Variants in M1AP observed in about 807,000 individuals in gnomAD.
M1AP encodes meiosis 1 arrest protein.
M1AP carries 39 observed loss-of-function variants against 51.2 expected under a neutral mutation model. The ratio of observed to expected loss-of-function variants is 0.76; its 90% confidence interval spans 0.59 to 1.00. M1AP has a LOEUF of 1.00. Ranked by LOEUF, M1AP falls within the 50% of genes least tolerant of loss-of-function variation. The pLI is 0.00. For synonymous variants in M1AP, 251 were observed against 249.2 expected (o/e 1.01, Z -0.07); for missense variants, 545 against 641.2 (o/e 0.85, Z 1.62).
chr2:74,641,444 T>C (rs1173457805), intron 1 of M1AP, among the ~76,000 whole-genome samples: 1 of 152,228 alleles, frequency 6.6e-6, no homozygotes, highest in East Asian at 1.9e-4. Context: ...TGAATAGCTT[T>C]ATGCTAATAA....
intron 4 of M1AP, among the ~76,000 whole-genome samples, chr2:74,594,116 C>A (rs996107252): frequency 1.3e-5 from 2 of 152,182 alleles, no homozygotes; most frequent in Non-Finnish European, 2.9e-5. Flanking sequence ...ACTGCAGGCA[C>A]AACAGGTTGC....
chr2:74,596,104 C>A (rs184339424), intron 4 of M1AP, among the ~76,000 whole-genome samples: 48 of 152,228 alleles, frequency 3.2e-4, no homozygotes, highest in Non-Finnish European at 5.1e-4. Flanking sequence ...AAATGGTAGA[C>A]CTGAGTCCAA....
At chr2:74,574,001 G>T (rs183082241) in intron 7 of M1AP, among the ~76,000 whole-genome samples, 1 of 152,170 alleles carries the variant, frequency 6.6e-6, no homozygotes, top group Non-Finnish European at 1.5e-5. Flanking sequence ...CAGTTACAAC[G>T]GCTCCGTTGT....
chr2:74,615,535 C>A (rs1457505817), intron 2 of M1AP: 2 of 191,206 alleles, frequency 1.0e-5, no homozygotes, highest in Admixed American at 1.1e-4. Context: ...GTCTAGGCAC[C>A]AAAAGCTTCT....
chr2:74,558,608 TCA>T lies in M1AP; in HGVS notation c.*106_*107del. ...CTGTTGTTTCCCAGTCAGCCCTCAC[TCA>T]CAGAGGCTCAGGCGGATAGAGAGCA... On this transcript the variant is annotated 3_prime_UTR_variant, in exon 11 of 11. Coordinates refer to ENST00000421985, the MANE Select transcript of M1AP (RefSeq NM_001321739.2). The T allele has an allele frequency of 2.2e-6, 3 of 1,342,962 alleles. No individual in the cohort carries two copies. Among genetic ancestry groups the T allele is most frequent in the Non-Finnish European group, 3.1e-6 (3 of 969,752 alleles). The allele number at this position is 1,342,962 out of a possible 1,614,324, so 83.2% of individuals were successfully genotyped here.
chr2:74,614,344 C>G (rs1681541142), intron 3 of M1AP, among the ~76,000 whole-genome samples: 1 of 152,150 alleles, frequency 6.6e-6, no homozygotes, highest in Non-Finnish European at 1.5e-5. Context: ...CTTCCAAGCT[C>G]CTTACATGAA....
chr2:74,576,794 T>A (rs1679101594), intron 5 of M1AP, 176 bp from the exon 6 acceptor site: 1 of 1,274,492 alleles, frequency 7.8e-7, no homozygotes, highest in Non-Finnish European at 1.0e-6. Context: ...CCTGACTGGT[T>A]TGGAAAGGGA....
At chr2:74,632,040 T>C (rs1424331057) in intron 2 of M1AP, among the ~76,000 whole-genome samples, 5 of 152,244 alleles carry the variant, frequency 3.3e-5, no homozygotes, top group African/African-American at 1.2e-4. Context: ...GGTAATAGTA[T>C]TGTTTCTGCA....
intron 4 of M1AP, among the ~76,000 whole-genome samples, chr2:74,589,796 T>C (rs1198562923): frequency 1.3e-5 from 2 of 152,152 alleles, no homozygotes; most frequent in African/African-American, 4.8e-5. Flanking sequence ...GCTAATATAG[T>C]CTAAGGCAGG....
intron 8 of M1AP, among the ~76,000 whole-genome samples, chr2:74,561,195 G>C (rs1677955784): frequency 7.0e-6 from 1 of 143,108 alleles, no homozygotes. Context: ...AGGAGGAGGA[G>C]GAGAAGGAGG....
At chr2:74,572,751 T>C (rs562469608) in intron 7 of M1AP, among the ~76,000 whole-genome samples, 1 of 152,188 alleles carries the variant, frequency 6.6e-6, no homozygotes, top group Non-Finnish European at 1.5e-5. Flanking sequence ...TTAAATGAGG[T>C]AAAGTATGCA....
chr2:74,561,091 AAGGAGAAGGAGGAGG>A (rs1677911655), intron 8 of M1AP, among the ~76,000 whole-genome samples: 1,172 of 47,556 alleles, frequency 0.025, 11 homozygotes, highest in East Asian at 0.062. Flanking sequence ...GGAGGAGGAG[AAGGAGAAGGAGGAGG>A]AGGAGAAGGA....
chr2:74,636,990 T>C (rs1221328467), intron 2 of M1AP, among the ~76,000 whole-genome samples: 1 of 152,196 alleles, frequency 6.6e-6, no homozygotes, highest in Non-Finnish European at 1.5e-5. Flanking sequence ...GTTTGGAGTA[T>C]TTATCAAAAT....
rs367736636 is a variant in M1AP, at chr2:74,614,979, G to A, written c.411C>T (p.Thr137=). Residue 137 remains threonine (T), a synonymous_variant, in exon 3 of 11, where the codon ACC becomes ACT. Transcript: ENST00000421985. ...SRHVTTRAAL[T]YTSLEITILT... ...CATCACTTACCTCCAGGGAGGTATA[G>A]GTCAGAGCTGCCCTTGTGGTCACAT... 8 of 1,614,122 alleles carry A rather than the reference G, an allele frequency of 5.0e-6. No homozygotes were observed. Among genetic ancestry groups the A allele is most frequent in the Non-Finnish European group, 4.2e-6 (5 of 1,179,998 alleles).
intron 2 of M1AP, among the ~76,000 whole-genome samples, chr2:74,631,969 G>A (rs1183262804): frequency 6.6e-6 from 1 of 152,212 alleles, no homozygotes; most frequent in African/African-American, 2.4e-5. Flanking sequence ...ATATAGGTCA[G>A]TGACAATGGA....
intron 3 of M1AP, among the ~76,000 whole-genome samples, chr2:74,607,800 T>C (rs961537263): frequency 2.0e-5 from 3 of 152,238 alleles, no homozygotes; most frequent in Non-Finnish European, 4.4e-5. Context: ...AGGAGTTTCC[T>C]CTTGAACTTT....
At chr2:74,574,401 C>A (rs1374107016) in intron 7 of M1AP, among the ~76,000 whole-genome samples, 1 of 152,194 alleles carries the variant, frequency 6.6e-6, no homozygotes, top group Admixed American at 6.5e-5. Flanking sequence ...TAAAATATTT[C>A]TACACTTGGT....
chr2:74,635,385 C>G (rs532265038), intron 2 of M1AP, among the ~76,000 whole-genome samples: 1 of 152,066 alleles, frequency 6.6e-6, no homozygotes, highest in Admixed American at 6.6e-5. Flanking sequence ...TTTTCCTTGT[C>G]ATTCTTGCCA....
intron 5 of M1AP, 115 bp from the exon 6 acceptor site, chr2:74,576,733 C>G (rs1679099360): frequency 3.8e-6 from 5 of 1,321,652 alleles, no homozygotes; most frequent in Non-Finnish European, 5.2e-6. Context: ...CATTCCATCT[C>G]TACCAGGCAA....
Sources: gnomAD v4.1 joint callset for allele counts (sites outside exome capture counted in the v4.1 genomes callset) on GRCh38, gnomAD v4.1.1 for gene constraint, MANE v1.5 for transcripts, NCBI Gene and HGNC (gene_info 2026-07-23, HGNC 2026-07-21) for gene names.